The following DPP10 variants were observed in gnomAD, a reference collection of about 807,000 sequenced individuals.
DPP10 encodes the protein inactive dipeptidyl peptidase 10.
Under a neutral mutation model 120.9 loss-of-function variants are expected in DPP10, and 33 were observed. The observed-to-expected ratio is 0.27, with a 90% CI of 0.21 to 0.37. The LOEUF (loss-of-function observed/expected upper bound fraction) is 0.37, where lower values mean the gene tolerates loss of function less well. Among genes scored for constraint, DPP10 ranks in the 10% least tolerant of loss-of-function variants. The pLI, the probability that DPP10 is intolerant of heterozygous loss-of-function variation, is 1.00. For missense variants in DPP10, 816 were observed against 942.8 expected, an observed-to-expected ratio of 0.87 and a Z score of 1.76; for synonymous variants, 337 against 326.1, an observed-to-expected ratio of 1.03 and a Z score of -0.36.
At chr2:114,942,769 G>A (rs527570470) in intron 1 of DPP10, among the ~76,000 whole-genome samples, 1 of 152,014 alleles carries the variant, frequency 6.6e-6, no homozygotes, top group South Asian at 2.1e-4. Flanking sequence ...AATTATATAT[G>A]CTAAAGAACA....
chr2:114,678,085 C>A (rs1698786057), intron 1 of DPP10, among the ~76,000 whole-genome samples: 1 of 152,038 alleles, frequency 6.6e-6, no homozygotes, highest in Non-Finnish European at 1.5e-5. Flanking sequence ...ATTTTACTTT[C>A]TTATCACTTA....
chr2:114,848,703 G>T (rs1406419717), intron 1 of DPP10, among the ~76,000 whole-genome samples: 1 of 152,322 alleles, frequency 6.6e-6, no homozygotes, highest in East Asian at 1.9e-4. Flanking sequence ...CTTATCAGAG[G>T]TTTGTTTGAT....
chr2:114,716,973 C>A (rs546434026), intron 1 of DPP10, among the ~76,000 whole-genome samples: 2 of 152,242 alleles, frequency 1.3e-5, no homozygotes, highest in Admixed American at 1.3e-4. Flanking sequence ...AACAAAGAAA[C>A]AAAACTGCCA....
At chr2:115,301,468 CTTTTTTTTT>C (rs5833587) in intron 1 of DPP10, among the ~76,000 whole-genome samples, 1 of 135,966 alleles carries the variant, frequency 7.4e-6, no homozygotes, top group Non-Finnish European at 1.6e-5. Flanking sequence ...AAGTGGGCTA[CTTTTTTTTT>C]TTTTTTTTTT....
Position 115,475,444 on chromosome 2 carries a change from G to A in DPP10, c.272-24066G>A, listed in dbSNP as rs897467011. ...TTTCAGAGAATGTATGGAAAAGCCT[G>A]GATGTCCTGGCAGAAGCCTGCTGCA... On this transcript the variant is annotated intron_variant, in intron 3 of 25. Coordinates refer to ENST00000410059, the MANE Select transcript of DPP10 (RefSeq NM_020868.6). Among the ~76,000 whole-genome samples the A allele has an allele frequency of 3.3e-5, 5 of 152,210 alleles. No homozygotes were observed. In the South Asian group the frequency reaches 6.2e-4, roughly 19 times the overall value.
At chr2:115,704,312 A>C (rs1035090514) in intron 7 of DPP10, among the ~76,000 whole-genome samples, 5 of 151,844 alleles carry the variant, frequency 3.3e-5, no homozygotes, top group Non-Finnish European at 7.4e-5. Flanking sequence ...ATTTTTTTCT[A>C]ACCCTTACTC....
intron 5 of DPP10, among the ~76,000 whole-genome samples, chr2:115,599,994 CTCCTT>C (rs1351400239): frequency 2.6e-5 from 4 of 152,096 alleles, no homozygotes; most frequent in Admixed American, 2.6e-4. Flanking sequence ...TTCCTGGTCT[CTCCTT>C]TCTGTCTTTG....
rs1178966745 is a variant in DPP10 at position 115,804,525 on chromosome 2, G to A, written c.1701-10268G>A. On this transcript the variant is annotated intron_variant, in intron 19 of 25. Transcript: ENST00000410059. ...AGGCGCTCTGGTTTTTAGAGTTTCT[G>A]GTTTTTCTGCTCTGTTTTTTCCCCA... Among the ~76,000 whole-genome samples, 3 of 152,076 alleles carry A rather than the reference G, an allele frequency of 2.0e-5. No individual in the cohort carries two copies. In the East Asian group the frequency reaches 5.8e-4, roughly 29 times the overall value.
chr2:115,332,969 G>A (rs1200618437), intron 2 of DPP10, among the ~76,000 whole-genome samples: 1 of 152,074 alleles, frequency 6.6e-6, no homozygotes, highest in African/African-American at 2.4e-5. Flanking sequence ...TTCAATTCCT[G>A]GATGTCCTTT....
chr2:115,118,100 A>C (rs6761944), intron 1 of DPP10, among the ~76,000 whole-genome samples: 31,206 of 151,896 alleles, frequency 0.21, 3,902 homozygotes, highest in East Asian at 0.36. Context: ...ATAAATGGCA[A>C]AGCTATTCTC....
chr2:115,392,579 C>G (rs1006662275), intron 3 of DPP10, among the ~76,000 whole-genome samples: 1 of 151,876 alleles, frequency 6.6e-6, no homozygotes, highest in Non-Finnish European at 1.5e-5. Flanking sequence ...CATGCAAAAC[C>G]AAGTGAATAT....
At chr2:115,344,135 C>CAAAAAAAAAAAAAA (rs751004918) in intron 3 of DPP10, among the ~76,000 whole-genome samples, 1 of 49,278 alleles carries the variant, frequency 2.0e-5, no homozygotes, top group African/African-American at 6.9e-5. Context: ...GACTCCATCT[C>CAAAAAAAAAAAAAA]AAAAAAAAAA....
intron 7 of DPP10, among the ~76,000 whole-genome samples, chr2:115,694,892 A>G (rs1283936635): frequency 1.3e-5 from 2 of 152,178 alleles, no homozygotes; most frequent in Non-Finnish European, 2.9e-5. Context: ...ACCAGGATGG[A>G]CAATGAGGGC....
At chr2:115,282,906 A>G (rs1164049092) in intron 1 of DPP10, among the ~76,000 whole-genome samples, 1 of 151,948 alleles carries the variant, frequency 6.6e-6, no homozygotes, top group Non-Finnish European at 1.5e-5. Context: ...AAAAATAAGC[A>G]CTGTTTTTGT....
chr2:115,692,977 A>G (rs1305596502), intron 7 of DPP10, among the ~76,000 whole-genome samples: 1 of 152,192 alleles, frequency 6.6e-6, no homozygotes, highest in Non-Finnish European at 1.5e-5. Flanking sequence ...ATATTCAAAG[A>G]AATCCTACAA....
At chr2:114,649,138 C>G (rs928825661) in intron 1 of DPP10, among the ~76,000 whole-genome samples, 3 of 152,128 alleles carry the variant, frequency 2.0e-5, no homozygotes, top group Non-Finnish European at 4.4e-5. Context: ...GAACATTTAA[C>G]TTTTTAAAAA....
At chr2:115,598,678 A>G (rs1304969925) in intron 5 of DPP10, among the ~76,000 whole-genome samples, 1 of 151,918 alleles carries the variant, frequency 6.6e-6, no homozygotes, top group Non-Finnish European at 1.5e-5. Context: ...GGTAAATTAT[A>G]TTTTGAAGAA....
intron 1 of DPP10, among the ~76,000 whole-genome samples, chr2:114,570,859 A>T (rs1318713932): frequency 6.7e-6 from 1 of 148,512 alleles, no homozygotes; most frequent in East Asian, 2.0e-4. Context: ...AAAAAAAAAA[A>T]AGAAAAGTAG....
At chr2:114,986,383 CA>C (rs1700391843) in intron 1 of DPP10, among the ~76,000 whole-genome samples, 1 of 152,152 alleles carries the variant, frequency 6.6e-6, no homozygotes, top group African/African-American at 2.4e-5. Context: ...GAAAGCTTAG[CA>C]AACTTTGAAG....
Sources: gnomAD v4.1 joint callset for allele counts (sites outside exome capture counted in the v4.1 genomes callset) on GRCh38, gnomAD v4.1.1 for gene constraint, MANE v1.5 for transcripts, NCBI Gene and HGNC (gene_info 2026-07-23, HGNC 2026-07-21) for gene names.